Variants in CDADC1 observed in about 807,000 individuals in gnomAD.
CDADC1 encodes cytidine and dCMP deaminase domain containing 1, also known as dCTP deaminase.
A neutral mutation model predicts 54.9 loss-of-function variants in CDADC1; 39 were observed. That is an observed-to-expected ratio of 0.71 (90% confidence interval 0.55 to 0.93). The LOEUF is 0.93. Ranked by LOEUF, CDADC1 falls within the 40% of genes least tolerant of loss-of-function variation. The probability of loss-of-function intolerance (pLI) is 0.00; values close to 1 mark genes in which losing one functional copy is unlikely to be tolerated. For synonymous variants in CDADC1, 186 were observed against 204.0 expected, an observed-to-expected ratio of 0.91 and a Z score of 0.75; for missense variants, 518 against 618.8, an observed-to-expected ratio of 0.84 and a Z score of 1.73.
chr13:49,257,526 T>C (rs1952573225), intron 3 of CDADC1, among the ~76,000 whole-genome samples: 1 of 152,178 alleles, frequency 6.6e-6, no homozygotes, highest in Admixed American at 6.5e-5. Flanking sequence ...ATCCCAGCAC[T>C]TTGGGAGGCC....
intron 8 of CDADC1, among the ~76,000 whole-genome samples, chr13:49,281,913 ACCCCCACCCCCCTC>A (rs1052836561): frequency 8.6e-4 from 98 of 113,486 alleles, no homozygotes; most frequent in African/African-American, 2.6e-3. Flanking sequence ...CTGCCTTGCT[ACCCCCACCCCCCTC>A]CCCCCACCCC....
Position 49,248,041 on chromosome 13 carries a change from AAAG to A in CDADC1, c.8_10del (p.Glu3del). The A allele has an allele frequency of 1.9e-6, 3 of 1,553,032 alleles. No homozygotes were observed. The highest frequency in any genetic ancestry group is 2.6e-6 in the Non-Finnish European group (3 of 1,147,832). On this transcript the variant is annotated inframe_deletion, in exon 1 of 10. Coordinates refer to ENST00000251108, the MANE Select transcript of CDADC1 (RefSeq NM_030911.4). The stretch of plus-strand genomic sequence containing the variant: ...AGCAGAGGACGCTAGGTTTGGGATG[AAAG>A]AAGCTGGGCAGATGCAAAATCTGGA...
chr13:49,291,619 G>C, intron 9 of CDADC1, 65 bp from the exon 10 acceptor site: 2 of 1,516,830 alleles, frequency 1.3e-6, no homozygotes, highest in South Asian at 1.2e-5. Context: ...AACATGTAAG[G>C]CTGAAACAAG....
intron 7 of CDADC1, among the ~76,000 whole-genome samples, chr13:49,279,249 CG>C (rs1953242567): frequency 6.6e-6 from 1 of 152,142 alleles, no homozygotes; most frequent in South Asian, 2.1e-4. Flanking sequence ...GCATCCACCT[CG>C]TGCTGTGGAT....
At chr13:49,284,349 T>C (rs1396937155) in intron 8 of CDADC1, among the ~76,000 whole-genome samples, 1 of 152,242 alleles carries the variant, frequency 6.6e-6, no homozygotes, top group African/African-American at 2.4e-5. Flanking sequence ...CTGTATTTTC[T>C]GCCACTAAAA....
chr13:49,265,931 G>A (rs1213585724), intron 4 of CDADC1: 1 of 1,302,732 alleles, frequency 7.7e-7, no homozygotes, highest in East Asian at 5.6e-5. Flanking sequence ...ATCACTGCTG[G>A]TTAGGAAATG....
intron 4 of CDADC1, among the ~76,000 whole-genome samples, chr13:49,266,463 C>G (rs977832860): frequency 6.6e-6 from 1 of 152,100 alleles, no homozygotes; most frequent in Non-Finnish European, 1.5e-5. Flanking sequence ...ACATTACTAA[C>G]CTTTCCTCTG....
At chr13:49,290,244 G>A (rs1953662430) in intron 9 of CDADC1, among the ~76,000 whole-genome samples, 1 of 151,838 alleles carries the variant, frequency 6.6e-6, no homozygotes, top group East Asian at 1.9e-4. Context: ...TCGGCAGTAT[G>A]TTTTGTTTTT....
At chr13:49,266,038 C>T in intron 4 of CDADC1, 1 of 917,302 alleles carries the variant, frequency 1.1e-6, no homozygotes, top group South Asian at 1.5e-5. Context: ...GCAGCATAAG[C>T]CACAGTGAGT....
At chr13:49,262,474 T>G (rs1016650317) in intron 4 of CDADC1, among the ~76,000 whole-genome samples, 1 of 151,990 alleles carries the variant, frequency 6.6e-6, no homozygotes, top group African/African-American at 2.4e-5. Flanking sequence ...AACACTACAT[T>G]CATACTAATG....
rs968406216 is a variant in CDADC1 at position 49,292,112 on chromosome 13, C to G, written c.*355C>G. On this transcript the variant is annotated 3_prime_UTR_variant, in exon 10 of 10. Transcript: ENST00000251108. The stretch of plus-strand genomic sequence containing the variant: ...GGTCATGCCTCTGCAGGGAATCACA[C>G]ACCTTTTGAGAAATATTAATTCTTT... 1.9e-6 allele frequency: 2 copies of G among 1,032,686 alleles called. No individual in the cohort carries two copies. The highest frequency in any genetic ancestry group is 3.4e-5 in the African/African-American group (2 of 58,378). 64.0% of individuals were successfully genotyped at this position (1,032,686 alleles called of 1,614,324 possible).
At chr13:49,266,058 C>A in intron 4 of CDADC1, 1 of 601,984 alleles carries the variant, frequency 1.7e-6, no homozygotes, top group Non-Finnish European at 2.5e-6. Context: ...TCAGGAGTAC[C>A]AGGGAGTGGA....
chr13:49,255,418 G>T (rs898723302), intron 2 of CDADC1, among the ~76,000 whole-genome samples: 1 of 152,086 alleles, frequency 6.6e-6, no homozygotes, highest in African/African-American at 2.4e-5. Context: ...TCTCTGGCGG[G>T]GCATTATCCT....
At position 49,292,831 on chromosome 13, in the gene CDADC1, G is replaced by A. The variant is rs760273608; in HGVS notation, c.*1074G>A. 74 of 1,268,692 alleles carry A rather than the reference G, an allele frequency of 5.8e-5. No homozygotes were observed. The Middle Eastern group carries it at 8.6e-4, about 15-fold the overall frequency. 78.6% of individuals were successfully genotyped at this position (1,268,692 alleles called of 1,614,324 possible). On this transcript the variant is annotated 3_prime_UTR_variant, in exon 10 of 10. Transcript: ENST00000251108. The stretch of plus-strand genomic sequence containing the variant: ...ATGAGAAATGTCTTCCTGGATCTGC[G>A]GTGGTCAGGTTTGCCTCTGCTTTTG...
chr13:49,282,236 G>GGTTTTTTTTTTTTTTTTTTTTCTTT (rs1555315245), intron 8 of CDADC1, among the ~76,000 whole-genome samples: 1 of 94,146 alleles, frequency 1.1e-5, no homozygotes. Context: ...GTTTTTGTGG[G>GGTTTTTTTTTTTTTTTTTTTTCTTT]TTTTTTTTTT....
rs539038160 is a variant in CDADC1 at position 49,292,801 on chromosome 13, G to A, written c.*1044G>A. 162 of 1,279,522 alleles carry A rather than the reference G, an allele frequency of 1.3e-4. 1 individual carries two copies. The African/African-American group carries it at 2.4e-3, about 19-fold the overall frequency. The allele number at this position is 1,279,522 out of a possible 1,614,324, so 79.3% of individuals were successfully genotyped here. On this transcript the variant is annotated 3_prime_UTR_variant, in exon 10 of 10. Transcript: ENST00000251108. ...AGGTTAGAGAGGGGTGGCCTGGGGTGCTTCATGAGAAATGTCTTCCTGGAT... is the reference window on the plus strand; with the variant it reads ...AGGTTAGAGAGGGGTGGCCTGGGGTACTTCATGAGAAATGTCTTCCTGGAT...
At chr13:49,289,832 C>T (rs1276002496) in intron 9 of CDADC1, among the ~76,000 whole-genome samples, 1 of 152,054 alleles carries the variant, frequency 6.6e-6, no homozygotes, top group Non-Finnish European at 1.5e-5. Context: ...ATTGCTTGAG[C>T]CCAGGAGTTC....
intron 4 of CDADC1, among the ~76,000 whole-genome samples, chr13:49,267,141 TA>T (rs1952834659): frequency 6.6e-6 from 1 of 152,220 alleles, no homozygotes; most frequent in Middle Eastern, 3.2e-3. Context: ...ACCCAAAGAC[TA>T]TATAAGTGAA....
chr13:49,285,168 TTTTTTTC>T (rs892722422), intron 8 of CDADC1, among the ~76,000 whole-genome samples: 4 of 146,962 alleles, frequency 2.7e-5, no homozygotes, highest in African/African-American at 7.6e-5. Context: ...TCTTTTCTTT[TTTTTTTC>T]TTTTTTCTTT....
Sources: gnomAD v4.1 joint callset for allele counts (sites outside exome capture counted in the v4.1 genomes callset) on GRCh38, gnomAD v4.1.1 for gene constraint, MANE v1.5 for transcripts, NCBI Gene and HGNC (gene_info 2026-07-23, HGNC 2026-07-21) for gene names.